CRACD: variants seen among roughly 807,000 people sequenced by gnomAD.
CRACD encodes capping protein-inhibiting regulator of actin dynamics.
In CRACD, 56 loss-of-function variants were observed where a neutral mutation model predicts 106.8. The observed-to-expected ratio is 0.52, with a 90% CI of 0.42 to 0.66. The LOEUF (loss-of-function observed/expected upper bound fraction) is 0.66. CRACD is among the 30% of genes least tolerant of loss of function. CRACD has a pLI of 0.00. For missense variants in CRACD, 1,730 were observed against 1,623.2 expected, an observed-to-expected ratio of 1.07 and a Z score of -1.13; for synonymous variants, 754 against 670.8, an observed-to-expected ratio of 1.12 and a Z score of -1.92.
chr4:56,255,602 A>G (rs1741310791), intron 2 of CRACD, among the ~76,000 whole-genome samples: 1 of 152,206 alleles, frequency 6.6e-6, no homozygotes, highest in Non-Finnish European at 1.5e-5. Context: ...TAACAATTAC[A>G]TATTGGTAAG....
chr4:56,061,671 C>T (rs533993603), intron 1 of CRACD, among the ~76,000 whole-genome samples: 5 of 152,160 alleles, frequency 3.3e-5, no homozygotes, highest in African/African-American at 1.2e-4. Context: ...TGTATGTATA[C>T]ATAAGTATAT....
At chr4:56,152,301 G>C (rs1735610356) in intron 1 of CRACD, among the ~76,000 whole-genome samples, 1 of 151,700 alleles carries the variant, frequency 6.6e-6, no homozygotes, top group South Asian at 2.1e-4. Flanking sequence ...ACAGGCCTGA[G>C]CCACCGTGCC....
intron 4 of CRACD, among the ~76,000 whole-genome samples, chr4:56,298,801 C>A (rs1437921523): frequency 2.0e-5 from 3 of 152,076 alleles, no homozygotes; most frequent in African/African-American, 7.2e-5. Flanking sequence ...GATGTGGTGG[C>A]ACACACCTGT....
intron 6 of CRACD, among the ~76,000 whole-genome samples, chr4:56,312,723 G>T (rs1405680623): frequency 6.6e-6 from 1 of 152,076 alleles, no homozygotes; most frequent in Non-Finnish European, 1.5e-5. Context: ...CTAGGCCAGG[G>T]GTCAGCAAAC....
intron 8 of CRACD, 57 bp downstream of exon 8, chr4:56,316,746 C>A: frequency 7.0e-7 from 1 of 1,436,632 alleles, no homozygotes; most frequent in Non-Finnish European, 9.3e-7. Context: ...GCCAGGGCAT[C>A]AAGAAGAGAT....
At chr4:56,203,837 A>G (rs1166724759) in intron 2 of CRACD, among the ~76,000 whole-genome samples, 3 of 152,174 alleles carry the variant, frequency 2.0e-5, no homozygotes, top group Non-Finnish European at 2.9e-5. Context: ...GAACAGGCAC[A>G]TAGCTAGTAC....
intron 2 of CRACD, among the ~76,000 whole-genome samples, chr4:56,209,885 T>C (rs1053079297): frequency 6.6e-6 from 1 of 152,082 alleles, no homozygotes; most frequent in Admixed American, 6.6e-5. Flanking sequence ...GCATCCAAGG[T>C]GGCTATGAAG....
chr4:56,179,588 AT>A (rs1292483654), intron 2 of CRACD, among the ~76,000 whole-genome samples, 158 bp downstream of exon 2: 2 of 152,216 alleles, frequency 1.3e-5, no homozygotes, highest in African/African-American at 2.4e-5. Flanking sequence ...CCTAGATTGC[AT>A]TCCCAACTCT....
At position 56,314,494 on chromosome 4, in the gene CRACD, A is replaced by T; in HGVS notation, c.992A>T (p.Glu331Val). The change falls in exon 8 of 11, where the codon GAG becomes GTG. Residue 331 changes from glutamate (E) to valine (V), a missense_variant. Coordinates refer to ENST00000682029, the MANE Select transcript of CRACD (RefSeq NM_001393381.1). This position sits in a 1 kb window ranked among gnomAD's most constrained non-coding sequence, Gnocchi z 4.4. ...CTGCAGGCCCAGGCCCAAGCGGAGG[A>T]GAGGCGGCGGCTGGAGGAGGACGCC... ...RRLQAQAQAE[E>V]RRRLEEDARL... The T allele has an allele frequency of 6.6e-7, 1 of 1,521,476 alleles. No individual in the cohort carries two copies. Among genetic ancestry groups the T allele is most frequent in the East Asian group, 2.5e-5 (1 of 40,692 alleles). The allele number at this position is 1,521,476 out of a possible 1,614,324, so 94.2% of individuals were successfully genotyped here.
chr4:56,126,537 CT>C (rs1253088807), intron 1 of CRACD, among the ~76,000 whole-genome samples: 1 of 152,118 alleles, frequency 6.6e-6, no homozygotes, highest in Non-Finnish European at 1.5e-5. Flanking sequence ...AGAATTTCAC[CT>C]GCACTGTTGT....
At chr4:56,189,817 A>G (rs893806514) in intron 2 of CRACD, among the ~76,000 whole-genome samples, 3 of 143,700 alleles carry the variant, frequency 2.1e-5, no homozygotes, top group Admixed American at 7.0e-5. Context: ...TATTATTATT[A>G]CTATTATTAT....
intron 1 of CRACD, among the ~76,000 whole-genome samples, chr4:56,129,829 T>C (rs1734769557): frequency 6.6e-6 from 1 of 152,078 alleles, no homozygotes; most frequent in African/African-American, 2.4e-5. Flanking sequence ...AAAGAAAAAA[T>C]GTGACCATGG....
At chr4:56,158,122 A>G (rs137920548) in intron 1 of CRACD, among the ~76,000 whole-genome samples, 1,964 of 152,324 alleles carry the variant, frequency 0.013, 18 homozygotes, top group Admixed American at 0.041. Flanking sequence ...TCCTAAAACA[A>G]CTACTCATAC....
At chr4:56,320,456 C>A (rs1036560808) in intron 8 of CRACD, among the ~76,000 whole-genome samples, 1 of 152,200 alleles carries the variant, frequency 6.6e-6, no homozygotes, top group Admixed American at 6.5e-5. Flanking sequence ...TCTTTCAAAA[C>A]CTTGACTGTA....
At chr4:56,295,329 A>C (rs1195888736) in intron 3 of CRACD, among the ~76,000 whole-genome samples, 1 of 152,134 alleles carries the variant, frequency 6.6e-6, no homozygotes, top group Non-Finnish European at 1.5e-5. Flanking sequence ...GATACATCAC[A>C]AGTGTCCAAT....
At chr4:56,198,289 T>TTTGG in intron 2 of CRACD, among the ~76,000 whole-genome samples, 1 of 152,178 alleles carries the variant, frequency 6.6e-6, no homozygotes, top group African/African-American at 2.4e-5. Flanking sequence ...GACCATGAAC[T>TTTGG]TCAAAAAGAA....
intron 3 of CRACD, among the ~76,000 whole-genome samples, chr4:56,286,525 C>CAAAAAAAAAAAAAAAAAAAAAG (rs1743357201): frequency 1.1e-5 from 1 of 89,382 alleles, no homozygotes; most frequent in Non-Finnish European, 2.2e-5. Context: ...GACTCCGTCT[C>CAAAAAAAAAAAAAAAAAAAAAG]AAAAAAAAAA....
At chr4:56,254,471 G>A (rs373411251) in intron 2 of CRACD, among the ~76,000 whole-genome samples, 6 of 151,500 alleles carry the variant, frequency 4.0e-5, no homozygotes, top group South Asian at 2.1e-4. Context: ...AGGACAAGGC[G>A]ACTTCTTATT....
intron 1 of CRACD, among the ~76,000 whole-genome samples, chr4:56,052,360 C>T (rs866236536): frequency 2.0e-5 from 3 of 152,110 alleles, no homozygotes; most frequent in East Asian, 1.9e-4. Flanking sequence ...TGGTTGAGAT[C>T]GCTAAATGAT....
Sources: allele counts gnomAD v4.1 joint callset (sites outside exome capture counted in the v4.1 genomes callset), GRCh38; gene constraint gnomAD v4.1.1; non-coding constraint Gnocchi (gnomAD v3.1); transcripts MANE v1.5; gene names NCBI Gene and HGNC (gene_info 2026-07-23, HGNC 2026-07-21).